LIMA1: variants seen among roughly 807,000 people sequenced by gnomAD.
LIMA1 encodes the protein LIM domain and actin binding 1, also known as LIM domain and actin-binding protein 1.
Under a neutral mutation model 62.6 loss-of-function variants are expected in LIMA1, and 52 were observed. That is an observed-to-expected ratio of 0.83 (90% CI 0.67 to 1.05). The LOEUF is 1.05. Among genes scored for constraint, LIMA1 ranks in the 50% least tolerant of loss-of-function variants. The pLI, the probability that LIMA1 is intolerant of heterozygous loss-of-function variation, is 0.00. For synonymous variants in LIMA1, 302 were observed against 317.8 expected, an observed-to-expected ratio of 0.95 and a Z score of 0.53; for missense variants, 780 against 902.2, an observed-to-expected ratio of 0.86 and a Z score of 1.74.
At chr12:50,244,708 T>C (rs1941823758) in intron 2 of LIMA1, among the ~76,000 whole-genome samples, 1 of 152,210 alleles carries the variant, frequency 6.6e-6, no homozygotes, top group South Asian at 2.1e-4. Context: ...ACTTTCTCTC[T>C]GCAAGATTAA....
intron 4 of LIMA1, among the ~76,000 whole-genome samples, chr12:50,208,267 C>T (rs1458437968): frequency 2.0e-5 from 3 of 151,926 alleles, no homozygotes; most frequent in Non-Finnish European, 4.4e-5. Flanking sequence ...AGAAGGATCA[C>T]GAGGTCAGGA....
chr12:50,264,206 C>A (rs1232865479), intron 1 of LIMA1, among the ~76,000 whole-genome samples: 2 of 152,004 alleles, frequency 1.3e-5, no homozygotes, highest in African/African-American at 4.8e-5. Flanking sequence ...TTGCCTGGGA[C>A]TGGCAGTAGG....
chr12:50,230,873 G>A (rs1273020467), intron 3 of LIMA1, among the ~76,000 whole-genome samples: 6 of 152,040 alleles, frequency 3.9e-5, no homozygotes, highest in Non-Finnish European at 5.9e-5. Context: ...CACCGCACCC[G>A]GCCAGTTTTT....
At chr12:50,182,066 A>G (rs1310516585) in intron 9 of LIMA1, 29 bp from the exon 10 acceptor site, 3 of 1,611,800 alleles carry the variant, frequency 1.9e-6, no homozygotes, top group Non-Finnish European at 2.5e-6. Context: ...CAACTTTAGC[A>G]TGGGCAGCGA....
rs548678598 is a variant in LIMA1 at position 50,175,932 on chromosome 12, C to A, written c.*1132G>T. 2.6e-5 allele frequency: 4 copies of A among 152,252 alleles called. No individual in the cohort carries two copies. In the South Asian group the frequency reaches 8.3e-4, roughly 32 times the overall value. 9.4% of individuals were successfully genotyped at this position (152,252 alleles called of 1,614,324 possible). On this transcript the variant is annotated 3_prime_UTR_variant, in exon 11 of 11. Transcript: ENST00000341247. ...AAAGAAAAGCCTACAGCTTAAGACA[C>A]CTCTCCCTCCCATCCATACAATTTG...
At chr12:50,254,077 C>T (rs1941963888) in intron 1 of LIMA1, among the ~76,000 whole-genome samples, 1 of 150,678 alleles carries the variant, frequency 6.6e-6, no homozygotes, top group Non-Finnish European at 1.5e-5. Flanking sequence ...CCCACCCACA[C>T]AGTCTCTCTC....
intron 1 of LIMA1, among the ~76,000 whole-genome samples, chr12:50,269,448 C>CA (rs1316791842): frequency 6.6e-6 from 1 of 152,106 alleles, no homozygotes; most frequent in Non-Finnish European, 1.5e-5. Context: ...TTCTAGCGTA[C>CA]ATGATATTTC....
intron 3 of LIMA1, chr12:50,224,456 C>T (rs1941496426): frequency 6.6e-6 from 1 of 152,204 alleles, no homozygotes; most frequent in African/African-American, 2.4e-5. Context: ...TACAGAACAG[C>T]TCCAGAAGCT....
At chr12:50,181,177 C>T (rs1253869247) in intron 10 of LIMA1, among the ~76,000 whole-genome samples, 1 of 145,672 alleles carries the variant, frequency 6.9e-6, no homozygotes, top group Non-Finnish European at 1.5e-5. Context: ...AGCAGAAGAA[C>T]TAATGAGTGG....
chr12:50,255,442 C>T (rs1292678639), intron 1 of LIMA1, among the ~76,000 whole-genome samples: 1 of 150,628 alleles, frequency 6.6e-6, no homozygotes, highest in Non-Finnish European at 1.5e-5. Flanking sequence ...TCTGTGGTCC[C>T]AGCTACTCAA....
chr12:50,177,649 G>A lies in LIMA1; in HGVS notation c.1695C>T (p.Pro565=), dbSNP rs766994071. 30 of 1,607,144 alleles carry A rather than the reference G, an allele frequency of 1.9e-5. No homozygotes were observed. In the South Asian group the frequency reaches 2.3e-4, roughly 12 times the overall value. Residue 565 remains proline, a synonymous_variant, in exon 11 of 11, where the codon CCC becomes CCT. Transcript: ENST00000341247. ...CTAGATCGACATCCTCAGGAACTTC[G>A]GGCTTGCTGATTTCGTCTTCAGGAG... ...KWPPEDEISK[P]EVPEDVDLDL...
chr12:50,215,133 T>G (rs931900066), intron 4 of LIMA1, among the ~76,000 whole-genome samples: 5 of 152,214 alleles, frequency 3.3e-5, no homozygotes, highest in African/African-American at 1.2e-4. Context: ...TGCCTTACTC[T>G]CTAAAGACTC....
At chr12:50,190,682 ATTTTTTTTTTTTTTTTTT>A (rs762182699) in intron 9 of LIMA1, among the ~76,000 whole-genome samples, 10 of 93,058 alleles carry the variant, frequency 1.1e-4, no homozygotes, top group South Asian at 3.2e-4. Context: ...ACCCGGCCTC[ATTTTTTTTTTTTTTTTTT>A]TTTTTTTTTT....
rs187053743 is a variant in LIMA1, at chr12:50,221,384, G to A, written c.630+637C>T. On this transcript the variant is annotated intron_variant, in intron 4 of 10. Transcript: ENST00000341247. ...TAGTTAAGTAATTCCCTCTGGGGACGAGGTCTGCAATCCACATGAAGGATC... is the reference window on the plus strand; with the variant it reads ...TAGTTAAGTAATTCCCTCTGGGGACAAGGTCTGCAATCCACATGAAGGATC... Among the ~76,000 whole-genome samples, 17 of 152,258 alleles carry A rather than the reference G, an allele frequency of 1.1e-4. No homozygotes were observed. The East Asian group carries it at 1.2e-3, about 10-fold the overall frequency.
chr12:50,208,992 C>CGT (rs1555206104), intron 4 of LIMA1, among the ~76,000 whole-genome samples: 1 of 136,268 alleles, frequency 7.3e-6, no homozygotes, highest in East Asian at 2.2e-4. Context: ...TTCTTTCTTT[C>CGT]TTTTTTTTTT....
At chr12:50,178,966 A>ATATTTTTTTTTTTTTTTTT (rs56674261) in intron 10 of LIMA1, among the ~76,000 whole-genome samples, 5 of 128,924 alleles carry the variant, frequency 3.9e-5, no homozygotes, top group East Asian at 2.1e-4. Context: ...ATATATATAT[A>ATATTTTTTTTTTTTTTTTT]TTTTTTTTTT....
intron 5 of LIMA1, among the ~76,000 whole-genome samples, chr12:50,205,237 T>A (rs916233693): frequency 8.3e-5 from 8 of 96,414 alleles, no homozygotes; most frequent in African/African-American, 4.9e-4. Context: ...ACCACCACGC[T>A]GGGCTTTTTT....
rs144389734 is a variant in LIMA1, at chr12:50,221,664, G to C, written c.630+357C>G. 5.7e-4 allele frequency among the ~76,000 whole-genome samples: 87 copies of C among 152,272 alleles called. 1 individual carries two copies. The East Asian group carries it at 0.016, about 28-fold the overall frequency. On this transcript the variant is annotated intron_variant, in intron 4 of 10. Transcript: ENST00000341247. ...CTCAGTCTGCAGCTGTGTCCAAGCA[G>C]AGAGCTATTCAGCAGTAATTCCACC...
At chr12:50,241,199 AT>A (rs1261633973) in intron 2 of LIMA1, among the ~76,000 whole-genome samples, 1 of 152,214 alleles carries the variant, frequency 6.6e-6, no homozygotes, top group East Asian at 1.9e-4. Context: ...GTACTAATAT[AT>A]CTGTCTAAGA....
Sources: allele counts gnomAD v4.1 joint callset (sites outside exome capture counted in the v4.1 genomes callset), GRCh38; gene constraint gnomAD v4.1.1; transcripts MANE v1.5; gene names NCBI Gene and HGNC (gene_info 2026-07-23, HGNC 2026-07-21).